The following DOCK3 variants were observed in gnomAD, a reference collection of about 807,000 sequenced individuals.
The protein encoded by DOCK3 is dedicator of cytokinesis 3.
Under a neutral mutation model 265.6 loss-of-function variants are expected in DOCK3, and 60 were observed. That is an observed-to-expected ratio of 0.23 (90% confidence interval 0.18 to 0.28). The LOEUF is 0.28. Among genes scored for constraint, DOCK3 ranks in the 10% least tolerant of loss-of-function variants. The probability of loss-of-function intolerance (pLI) is 1.00; values close to 1 mark genes in which losing one functional copy is unlikely to be tolerated. For missense variants in DOCK3, 1,981 were observed against 2,594.3 expected (o/e 0.76, Z 5.14); for synonymous variants, 881 against 938.0 (o/e 0.94, Z 1.11).
intron 23 of DOCK3, among the ~76,000 whole-genome samples, chr3:51,260,873 AC>A (rs908682375): frequency 2.0e-5 from 3 of 152,028 alleles, no homozygotes; most frequent in Non-Finnish European, 4.4e-5. Flanking sequence ...AGTCCCAGCT[AC>A]TCAGGAGGCT....
intron 10 of DOCK3, among the ~76,000 whole-genome samples, chr3:51,157,984 G>A (rs905181659): frequency 1.3e-5 from 2 of 151,398 alleles, no homozygotes; most frequent in East Asian, 3.9e-4. Context: ...GGCATCTGGG[G>A]TCAATCAAAA....
chr3:50,905,515 T>C (rs767850206), intron 4 of DOCK3, among the ~76,000 whole-genome samples: 3 of 152,130 alleles, frequency 2.0e-5, no homozygotes, highest in African/African-American at 7.2e-5. Flanking sequence ...TTTTATTCTC[T>C]TTGAAGCAAT....
At chr3:51,154,806 G>A (rs950657309) in intron 10 of DOCK3, among the ~76,000 whole-genome samples, 5 of 152,076 alleles carry the variant, frequency 3.3e-5, no homozygotes, top group Non-Finnish European at 5.9e-5. Flanking sequence ...TTTTCATTTA[G>A]CATTTTAATT....
chr3:50,774,935 T>C (rs979788651), intron 1 of DOCK3, among the ~76,000 whole-genome samples: 3 of 152,032 alleles, frequency 2.0e-5, no homozygotes, highest in Non-Finnish European at 4.4e-5. Flanking sequence ...ATAGAGGTGA[T>C]CATATGATTT....
intron 22 of DOCK3, among the ~76,000 whole-genome samples, chr3:51,251,381 C>T (rs777355925): frequency 6.6e-6 from 1 of 152,178 alleles, no homozygotes. Context: ...TGGGTATATA[C>T]CCAGTAATGG....
intron 2 of DOCK3, 74 bp downstream of exon 2, chr3:50,778,832 T>G: frequency 9.8e-7 from 1 of 1,024,982 alleles, no homozygotes; most frequent in Non-Finnish European, 1.4e-6. Context: ...TTTGTGCTAA[T>G]AAGATTATAA....
At chr3:51,062,724 G>A (rs1331329348) in intron 5 of DOCK3, among the ~76,000 whole-genome samples, 1 of 152,218 alleles carries the variant, frequency 6.6e-6, no homozygotes, top group Non-Finnish European at 1.5e-5. Flanking sequence ...GCTTGTGGAT[G>A]TATACATGCA....
intron 5 of DOCK3, among the ~76,000 whole-genome samples, chr3:51,005,069 A>T (rs1028103014): frequency 6.6e-6 from 1 of 151,886 alleles, no homozygotes; most frequent in African/African-American, 2.4e-5. Context: ...ACTGTTTATG[A>T]TGTCATATCA....
intron 3 of DOCK3, among the ~76,000 whole-genome samples, chr3:50,848,536 C>T (rs1158569918): frequency 1.3e-5 from 2 of 152,104 alleles, no homozygotes; most frequent in South Asian, 2.1e-4. Context: ...TTTGGTTCCC[C>T]TTTGCTAATG....
chr3:51,145,350 G>C (rs2085250043), intron 9 of DOCK3, among the ~76,000 whole-genome samples: 1 of 151,920 alleles, frequency 6.6e-6, no homozygotes, highest in African/African-American at 2.4e-5. Context: ...TTTAGCATTA[G>C]GTATATCTCC....
chr3:51,131,217 C>T (rs1210331939), intron 9 of DOCK3, among the ~76,000 whole-genome samples: 1 of 152,134 alleles, frequency 6.6e-6, no homozygotes, highest in African/African-American at 2.4e-5. Context: ...TAAGTCAGAC[C>T]TGAGCTAAAA....
intron 12 of DOCK3, among the ~76,000 whole-genome samples, chr3:51,177,331 T>C (rs1253987855): frequency 1.3e-5 from 2 of 152,258 alleles, no homozygotes; most frequent in East Asian, 1.9e-4. Flanking sequence ...TGTTATTCTT[T>C]ATGATCAGCA....
intron 12 of DOCK3, among the ~76,000 whole-genome samples, chr3:51,180,596 T>C (rs1182688108): frequency 1.3e-5 from 2 of 152,220 alleles, no homozygotes; most frequent in Non-Finnish European, 2.9e-5. Flanking sequence ...CCTATAAGGA[T>C]ATTTGTCATT....
chr3:50,729,824 A>ATTTT (rs60842906), intron 1 of DOCK3, among the ~76,000 whole-genome samples: 5 of 109,050 alleles, frequency 4.6e-5, no homozygotes, highest in Admixed American at 1.9e-4. Context: ...TCTGAATTTC[A>ATTTT]TTTTTTTTTT....
At chr3:51,237,200 T>G (rs2078384667) in intron 20 of DOCK3, among the ~76,000 whole-genome samples, 1 of 152,176 alleles carries the variant, frequency 6.6e-6, no homozygotes, top group East Asian at 1.9e-4. Flanking sequence ...GTTTTGCCTT[T>G]CCCTGATCTG....
chr3:50,916,293 G>T (rs1322414717), intron 4 of DOCK3, among the ~76,000 whole-genome samples: 2 of 151,886 alleles, frequency 1.3e-5, no homozygotes, highest in Non-Finnish European at 2.9e-5. Context: ...TCGCTCTGTC[G>T]CCCAGGCTGG....
chr3:51,028,488 T>G (rs1296316913), intron 5 of DOCK3, among the ~76,000 whole-genome samples: 1 of 152,200 alleles, frequency 6.6e-6, no homozygotes, highest in African/African-American at 2.4e-5. Context: ...GGGGAAATTT[T>G]TCTGAATTAT....
intron 40 of DOCK3, among the ~76,000 whole-genome samples, chr3:51,352,760 G>A (rs1425691065): frequency 6.6e-6 from 1 of 152,212 alleles, no homozygotes; most frequent in Non-Finnish European, 1.5e-5. Flanking sequence ...TCTTTGCCTT[G>A]CCCATGGTGG....
intron 9 of DOCK3, among the ~76,000 whole-genome samples, chr3:51,098,667 CCTG>C (rs1346242433): frequency 6.6e-6 from 1 of 152,154 alleles, no homozygotes. Context: ...CACTAATAGA[CCTG>C]CAATTTAGTC....
Sources: gnomAD v4.1 joint callset for allele counts (sites outside exome capture counted in the v4.1 genomes callset) on GRCh38, gnomAD v4.1.1 for gene constraint, MANE v1.5 for transcripts, NCBI Gene and HGNC (gene_info 2026-07-23, HGNC 2026-07-21) for gene names.